Variants in RDH13 observed in about 807,000 individuals in gnomAD.
The protein encoded by RDH13 is retinol dehydrogenase 13 (all-trans and 9-cis).
A neutral mutation model predicts 28.3 loss-of-function variants in RDH13; 35 were observed. That is an observed-to-expected ratio of 1.24 (90% CI 0.95 to 1.64). The LOEUF (loss-of-function observed/expected upper bound fraction) is 1.64, where lower values mean the gene tolerates loss of function less well. Ranked by LOEUF, RDH13 falls within the 40% of genes most tolerant of loss-of-function variation. RDH13 has a pLI of 0.00. For synonymous variants in RDH13, 229 were observed against 198.5 expected, an observed-to-expected ratio of 1.15 and a Z score of -1.29; for missense variants, 514 against 446.3, an observed-to-expected ratio of 1.15 and a Z score of -1.37.
rs1675247041 is a variant in RDH13 at position 55,044,914 on chromosome 19, A to C, written c.*160T>G. ...CCAGGGCAGTGCTCACCTGCAGGCC[A>C]GTCCACTGCGGCCAGCACCGCCCCC... On this transcript the variant is annotated 3_prime_UTR_variant, in exon 7 of 7. Coordinates refer to ENST00000415061, the MANE Select transcript of RDH13 (RefSeq NM_001145971.2). 1 of 601,064 alleles carries C rather than the reference A, an allele frequency of 1.7e-6. No individual in the cohort carries two copies. The highest frequency in any genetic ancestry group is 1.9e-5 in the African/African-American group (1 of 53,900). The allele number at this position is 601,064 out of a possible 1,614,324, so 37.2% of individuals were successfully genotyped here.
At chr19:55,042,880 GCAAGA>G (rs2075079050), downstream of RDH13, 1 of 152,352 alleles carries the variant, frequency 6.6e-6, no homozygotes, top group South Asian at 2.1e-4. Context: ...CAGCGAGAGG[GCAAGA>G]CAAGAGGGCT....
chr19:55,051,205 C>T (rs922232408), intron 3 of RDH13, among the ~76,000 whole-genome samples: 19 of 152,146 alleles, frequency 1.2e-4, no homozygotes, highest in South Asian at 2.1e-4. Context: ...AGAATCTACC[C>T]GTGACAGAGC....
intron 6 of RDH13, 33 bp from the exon 7 acceptor site, chr19:55,045,342 C>A: frequency 6.4e-7 from 1 of 1,553,180 alleles, no homozygotes; most frequent in Non-Finnish European, 8.8e-7. Context: ...TTAGTCCACA[C>A]TCGCTCAGAG....
rs200031603 is a variant in RDH13 at position 55,045,176 on chromosome 19, G to A, written c.894C>T (p.Pro298=). Residue 298 remains proline (P), a synonymous_variant, in exon 7 of 7, where the codon CCC becomes CCT. Coordinates refer to ENST00000415061, the MANE Select transcript of RDH13 (RefSeq NM_001145971.2). The stretch of plus-strand genomic sequence containing the variant: ...GGGCCACCTCCTCATCCTCAGCCTC[G>A]GGGGCCGGGGCCTTCTGTTTGAGTC... ...FDGLKQKAPA[P]EAEDEEVARR... is the part of the protein sequence containing the mutation. The A allele has an allele frequency of 1.8e-5, 29 of 1,613,594 alleles. No homozygotes were observed. Among genetic ancestry groups the A allele is most frequent in the South Asian group, 3.3e-5 (3 of 91,070 alleles).
At chr19:55,065,514 C>G (rs959431512), upstream of RDH13, among the ~76,000 whole-genome samples, 2 of 151,346 alleles carry the variant, frequency 1.3e-5, no homozygotes. Context: ...AACTGAAATC[C>G]TAATATCATT....
At chr19:55,061,333 G>A (rs781066999) in intron 1 of RDH13, among the ~76,000 whole-genome samples, 13 of 151,908 alleles carry the variant, frequency 8.6e-5, no homozygotes, top group African/African-American at 3.1e-4. Flanking sequence ...GTTTTACCAC[G>A]TTGGTCAGGC....
chr19:55,049,056 G>C (rs1038543657), intron 3 of RDH13, among the ~76,000 whole-genome samples: 1 of 152,156 alleles, frequency 6.6e-6, no homozygotes, highest in African/African-American at 2.4e-5. Context: ...GGCCGCCCCC[G>C]CTGGAAGTGG....
intron 3 of RDH13, chr19:55,050,812 C>G (rs767300687): frequency 1.3e-5 from 2 of 151,940 alleles, no homozygotes; most frequent in Admixed American, 1.3e-4. Flanking sequence ...CGGCGGGGAT[C>G]GTGAATTAGG....
In RDH13 at chr19:55,047,463, C is replaced by T; in HGVS notation, c.684G>A (p.Leu228=). Residue 228 remains leucine, a synonymous_variant, in exon 6 of 7, where the codon CTG becomes CTA. Transcript: ENST00000415061. ...LQGSGVTVNA[L]HPGVARTELG... is the part of the protein sequence containing the mutation. ...GCTCTGTCCTGGCCACGCCGGGGTG[C>T]AGGGCGTTGACAGTCACACCAGAGC... 6.2e-7 allele frequency: 1 copy of T among 1,609,086 alleles called. No homozygotes were observed. The highest frequency in any genetic ancestry group is 8.5e-7 in the Non-Finnish European group (1 of 1,179,850).
In RDH13 at chr19:55,063,136, C is replaced by T. The variant is rs191722441; in HGVS notation, c.-104G>A. ...GAAGAGCGCGCGACGCAGCCACAGG[C>T]GAGCGGAGGCGCAGGCGCGGCTGGG... On this transcript the variant is annotated 5_prime_UTR_variant, in exon 1 of 7. Transcript: ENST00000415061. 7.0e-5 allele frequency: 77 copies of T among 1,105,238 alleles called. No individual in the cohort carries two copies. In the African/African-American group the frequency reaches 1.2e-3, roughly 17 times the overall value. 68.5% of individuals were successfully genotyped at this position (1,105,238 alleles called of 1,614,324 possible). A position where few individuals can be genotyped will look rare whatever the true frequency, so the allele number is the denominator to read the frequency against.
intron 6 of RDH13, 104 bp from the exon 7 acceptor site, chr19:55,045,413 C>A: frequency 2.4e-6 from 2 of 839,562 alleles, no homozygotes; most frequent in Non-Finnish European, 3.7e-6. Flanking sequence ...TCCCACAGAG[C>A]CCTCCTCTAG....
Position 55,056,616 on chromosome 19 carries a change from T to A in RDH13, c.340+37A>T, listed in dbSNP as rs142898779. 8 of 1,611,694 alleles carry A rather than the reference T, an allele frequency of 5.0e-6. No individual in the cohort carries two copies. The East Asian group carries it at 1.8e-4, about 36-fold the overall frequency. On this transcript the variant is annotated intron_variant, in intron 3 of 6. Transcript: ENST00000415061. ...AGAGCCTGGCCCTGGGAGCCGCCTA[T>A]CCCAGTCCTCATCCCACATGGCCAG... is the stretch of plus-strand genomic sequence containing the variant.
chr19:55,053,742 G>C (rs1314473649), intron 3 of RDH13: 1 of 152,092 alleles, frequency 6.6e-6, no homozygotes, highest in Non-Finnish European at 1.5e-5. Context: ...GGCTAAGAGA[G>C]GAGGCATCAC....
At chr19:55,061,630 A>G (rs137862058) in intron 1 of RDH13, among the ~76,000 whole-genome samples, 68 of 151,742 alleles carry the variant, frequency 4.5e-4, no homozygotes, top group African/African-American at 1.6e-3. Context: ...CATCTCTACT[A>G]AAAATACAAA....
upstream of RDH13, among the ~76,000 whole-genome samples, chr19:55,066,738 T>A (rs1769508660): frequency 6.6e-6 from 1 of 150,516 alleles, no homozygotes; most frequent in Admixed American, 6.6e-5. Context: ...TCTCTCTCTC[T>A]GTTCTCTCTC....
intron 6 of RDH13, 117 bp from the exon 7 acceptor site, chr19:55,045,426 CT>C: frequency 1.4e-6 from 1 of 723,536 alleles, no homozygotes; most frequent in Non-Finnish European, 2.2e-6. Context: ...TCCTCTAGCC[CT>C]TTCCCCTTGG....
At chr19:55,059,437 T>C (rs947899201) in intron 1 of RDH13, among the ~76,000 whole-genome samples, 162 bp from the exon 2 acceptor site, 2 of 152,246 alleles carry the variant, frequency 1.3e-5, no homozygotes, top group African/African-American at 4.8e-5. Context: ...ATGTTCTCCA[T>C]AAGTGGCTCC....
rs1657861022 is a variant in RDH13, at chr19:55,048,654, C to T, written c.445+5G>A. The T allele has an allele frequency of 6.2e-7, 1 of 1,613,382 alleles. No homozygotes were observed. Among genetic ancestry groups the T allele is most frequent in the South Asian group, 1.1e-5 (1 of 91,058 alleles). ...CCCATGGTGCAGCCCCTGCCCAGGC[C>T]TCACCCAGGTGGTTAACGCCAAACT... On this transcript the variant is annotated splice_donor_5th_base_variant and intron_variant, in intron 4 of 6. Coordinates refer to ENST00000415061, the MANE Select transcript of RDH13 (RefSeq NM_001145971.2).
At chr19:55,040,975 A>C (rs1440263828), downstream of RDH13, 2 of 152,114 alleles carry the variant, frequency 1.3e-5, no homozygotes, top group African/African-American at 4.8e-5. Flanking sequence ...AAAAATACAA[A>C]ATTAGCTGGG....
Sources: allele counts gnomAD v4.1 joint callset (sites outside exome capture counted in the v4.1 genomes callset), GRCh38; gene constraint gnomAD v4.1.1; transcripts MANE v1.5; gene names NCBI Gene and HGNC (gene_info 2026-07-23, HGNC 2026-07-21).